The following ACER3 variants were observed in gnomAD, a reference collection of about 807,000 sequenced individuals.
ACER3 encodes alkaline ceramidase 3.
In ACER3, 16 loss-of-function variants were observed where a neutral mutation model predicts 48.9. The observed-to-expected ratio is 0.33, with a 90% confidence interval of 0.22 to 0.50. The LOEUF (loss-of-function observed/expected upper bound fraction) is 0.50. ACER3 is among the 20% of genes least tolerant of loss of function. The pLI is 0.98. For missense variants in ACER3, 227 were observed against 326.0 expected (o/e 0.70, Z 2.34); for synonymous variants, 109 against 107.8 (o/e 1.01, Z -0.07).
At chr11:76,952,578 T>C (rs962417427) in intron 2 of ACER3, among the ~76,000 whole-genome samples, 1 of 151,864 alleles carries the variant, frequency 6.6e-6, no homozygotes, top group East Asian at 1.9e-4. Flanking sequence ...TCTTTCAACA[T>C]TTTTGTAAGT....
chr11:76,874,714 A>G (rs1460335982), intron 1 of ACER3, among the ~76,000 whole-genome samples: 3 of 152,148 alleles, frequency 2.0e-5, no homozygotes, highest in Non-Finnish European at 4.4e-5. Context: ...CTCCTGCCTG[A>G]GTTTCTAGGG....
At chr11:76,976,680 A>G (rs1442786042) in intron 4 of ACER3, among the ~76,000 whole-genome samples, 3 of 152,180 alleles carry the variant, frequency 2.0e-5, no homozygotes, top group African/African-American at 7.2e-5. Context: ...GTATTCTACA[A>G]TATAGTTTAA....
At chr11:76,872,033 C>T in intron 1 of ACER3, among the ~76,000 whole-genome samples, 1 of 138,106 alleles carries the variant, frequency 7.2e-6, no homozygotes, top group East Asian at 2.2e-4. Context: ...CCCCACCCAC[C>T]ACCCCCATTC....
At chr11:76,957,471 TCTCA>T in intron 2 of ACER3, 1 of 451,522 alleles carries the variant, frequency 2.2e-6, no homozygotes, top group Non-Finnish European at 4.4e-6. Context: ...TGAGATGGAG[TCTCA>T]CTCTGTCGCC....
intron 1 of ACER3, among the ~76,000 whole-genome samples, chr11:76,871,728 G>C: frequency 6.6e-6 from 1 of 152,170 alleles, no homozygotes; most frequent in Admixed American, 6.5e-5. Flanking sequence ...TTCAGGATCA[G>C]AAAACGAGCT....
chr11:76,961,950 CA>C (rs1412040462), intron 3 of ACER3, among the ~76,000 whole-genome samples: 1 of 150,504 alleles, frequency 6.6e-6, no homozygotes, highest in Non-Finnish European at 1.5e-5. Flanking sequence ...ACACCTTAAT[CA>C]AGCAACCTAA....
At chr11:76,888,940 A>G (rs1945740792) in intron 1 of ACER3, among the ~76,000 whole-genome samples, 1 of 152,176 alleles carries the variant, frequency 6.6e-6, no homozygotes, top group South Asian at 2.1e-4. Flanking sequence ...CCTTATTTTT[A>G]TATTTCCAAG....
intron 3 of ACER3, among the ~76,000 whole-genome samples, chr11:76,972,181 A>C (rs1200865659): frequency 6.6e-6 from 1 of 152,214 alleles, no homozygotes; most frequent in Non-Finnish European, 1.5e-5. Flanking sequence ...AGGAACTGCC[A>C]GGCTGTTTTT....
intron 7 of ACER3, among the ~76,000 whole-genome samples, chr11:77,008,922 T>C (rs565321722): frequency 5.1e-4 from 78 of 152,104 alleles, no homozygotes; most frequent in Non-Finnish European, 9.0e-4. Context: ...TAGCCAGGTG[T>C]GGTGATGCAT....
chr11:76,916,366 G>A (rs554547134), intron 1 of ACER3, among the ~76,000 whole-genome samples: 2 of 152,304 alleles, frequency 1.3e-5, no homozygotes, highest in Non-Finnish European at 2.9e-5. Context: ...AGAGCCTTTT[G>A]TAGTAGATGA....
chr11:76,936,593 AT>A (rs1947192366), intron 2 of ACER3, among the ~76,000 whole-genome samples: 1 of 152,136 alleles, frequency 6.6e-6, no homozygotes. Context: ...GTATTAAAAA[AT>A]AAAGTCGCTT....
At chr11:76,912,537 ATAT>A (rs1946405456) in intron 1 of ACER3, among the ~76,000 whole-genome samples, 2 of 150,238 alleles carry the variant, frequency 1.3e-5, no homozygotes, top group South Asian at 2.1e-4. Flanking sequence ...ATATAATGTA[ATAT>A]TATGTGATAA....
intron 6 of ACER3, among the ~76,000 whole-genome samples, chr11:76,997,424 T>C (rs2135254423): frequency 6.6e-6 from 1 of 152,304 alleles, no homozygotes; most frequent in Non-Finnish European, 1.5e-5. Flanking sequence ...ATTATGCCTT[T>C]CTTGTTCACC....
At chr11:76,886,668 G>A (rs1287775268) in intron 1 of ACER3, among the ~76,000 whole-genome samples, 4 of 152,080 alleles carry the variant, frequency 2.6e-5, no homozygotes, top group African/African-American at 4.8e-5. Flanking sequence ...GGTACTCAAG[G>A]TACTATGGGG....
intron 6 of ACER3, among the ~76,000 whole-genome samples, chr11:76,993,066 G>A (rs886190197): frequency 1.2e-4 from 18 of 151,990 alleles, no homozygotes; most frequent in African/African-American, 3.6e-4. Flanking sequence ...GGGTTTTACC[G>A]TGTTGCCCGG....
chr11:76,887,923 A>G (rs1350952442), intron 1 of ACER3, among the ~76,000 whole-genome samples: 1 of 146,042 alleles, frequency 6.8e-6, no homozygotes, highest in Non-Finnish European at 1.5e-5. Context: ...GACTCAAGCC[A>G]TCTTCCTGCC....
chr11:76,957,470 G>T, intron 2 of ACER3: 1 of 451,018 alleles, frequency 2.2e-6, no homozygotes, highest in Non-Finnish European at 4.4e-6. Flanking sequence ...TTGAGATGGA[G>T]TCTCACTCTG....
chr11:77,009,844 G>C (rs1949224924), intron 7 of ACER3, among the ~76,000 whole-genome samples: 1 of 151,386 alleles, frequency 6.6e-6, no homozygotes, highest in South Asian at 2.1e-4. Context: ...AGAGATTGTG[G>C]TAAACTTCAA....
At chr11:76,906,458 AC>A (rs1468146286) in intron 1 of ACER3, among the ~76,000 whole-genome samples, 1 of 152,020 alleles carries the variant, frequency 6.6e-6, no homozygotes, top group African/African-American at 2.4e-5. Flanking sequence ...TGTTTTCCAC[AC>A]CCCTATGATT....
Sources: allele counts gnomAD v4.1 joint callset (sites outside exome capture counted in the v4.1 genomes callset), GRCh38; gene constraint gnomAD v4.1.1; transcripts MANE v1.5; gene names NCBI Gene and HGNC (gene_info 2026-07-23, HGNC 2026-07-21).